CSMD1: variants seen among roughly 807,000 people sequenced by gnomAD.
CSMD1 encodes CUB and Sushi multiple domains 1.
In CSMD1, 213 loss-of-function variants were observed where a neutral mutation model predicts 417.5. The ratio of observed to expected loss-of-function variants is 0.51; its 90% CI spans 0.46 to 0.57. CSMD1 has a LOEUF of 0.57. Among genes scored for constraint, CSMD1 ranks in the 20% least tolerant of loss-of-function variants. CSMD1 has a pLI of 0.00. For synonymous variants in CSMD1, 2,862 were observed against 1,736.8 expected (o/e 1.65, Z -16.11); for missense variants, 6,923 against 4,529.7 (o/e 1.53, Z -15.17).
chr8:4,652,383 G>C (rs1563071499), intron 1 of CSMD1, among the ~76,000 whole-genome samples: 1 of 151,712 alleles, frequency 6.6e-6, no homozygotes, highest in Non-Finnish European at 1.5e-5. Flanking sequence ...CTTCCATTCT[G>C]TTTTTTTGTC....
At chr8:4,946,922 A>G (rs1021349368) in intron 1 of CSMD1, among the ~76,000 whole-genome samples, 6 of 152,230 alleles carry the variant, frequency 3.9e-5, no homozygotes, top group Admixed American at 6.5e-5. Context: ...GACAGAGCAT[A>G]TGTACATACG....
intron 5 of CSMD1, among the ~76,000 whole-genome samples, chr8:3,846,640 T>G (rs1803522978): frequency 6.6e-6 from 1 of 152,174 alleles, no homozygotes; most frequent in Non-Finnish European, 1.5e-5. Flanking sequence ...CCTTATTTCT[T>G]TAGCCTAAGG....
chr8:4,056,902 A>T (rs934138595), intron 3 of CSMD1, among the ~76,000 whole-genome samples: 1 of 152,198 alleles, frequency 6.6e-6, no homozygotes, highest in Non-Finnish European at 1.5e-5. Flanking sequence ...TCCATAGAGT[A>T]TATGTGCCAC....
chr8:4,242,535 A>C (rs1395473551), intron 3 of CSMD1, among the ~76,000 whole-genome samples: 2 of 152,242 alleles, frequency 1.3e-5, no homozygotes, highest in African/African-American at 4.8e-5. Context: ...GTTCTTAACT[A>C]GTCTTTCCCC....
intron 2 of CSMD1, among the ~76,000 whole-genome samples, chr8:4,436,287 TG>T (rs766171579): frequency 3.9e-5 from 6 of 152,182 alleles, no homozygotes; most frequent in Non-Finnish European, 5.9e-5. Context: ...TGTATTGTGG[TG>T]TTTTTTTCAT....
intron 26 of CSMD1, chr8:3,278,254 G>C (rs905989256): frequency 3.3e-5 from 5 of 152,202 alleles, no homozygotes; most frequent in Admixed American, 1.3e-4. Context: ...ACAAGATAGA[G>C]AGGTAGTGCA....
At chr8:3,459,812 T>C (rs1816385867) in intron 12 of CSMD1, among the ~76,000 whole-genome samples, 1 of 152,098 alleles carries the variant, frequency 6.6e-6, no homozygotes, top group Admixed American at 6.6e-5. Flanking sequence ...AAACAGTCTG[T>C]GTTGACTCAT....
At chr8:3,804,280 C>A (rs1027937696) in intron 5 of CSMD1, among the ~76,000 whole-genome samples, 2 of 152,032 alleles carry the variant, frequency 1.3e-5, no homozygotes, top group Non-Finnish European at 2.9e-5. Context: ...CTTGCAGGTG[C>A]AGAATACTAA....
chr8:4,292,896 T>A, intron 3 of CSMD1, among the ~76,000 whole-genome samples: 1 of 152,178 alleles, frequency 6.6e-6, no homozygotes, highest in Admixed American at 6.5e-5. Flanking sequence ...AAAGAGATAA[T>A]TTGTTAGTTC....
intron 3 of CSMD1, among the ~76,000 whole-genome samples, chr8:4,063,422 T>C (rs1799083237): frequency 6.6e-6 from 1 of 152,174 alleles, no homozygotes; most frequent in African/African-American, 2.4e-5. Flanking sequence ...TAAATTATGA[T>C]TATTAAATGA....
intron 5 of CSMD1, among the ~76,000 whole-genome samples, chr8:3,887,568 G>C (rs147202309): frequency 6.6e-6 from 1 of 152,154 alleles, no homozygotes; most frequent in Admixed American, 6.5e-5. Context: ...TAGAATTCCT[G>C]TAGAGCAAGG....
chr8:4,144,747 T>C (rs909462294), intron 3 of CSMD1, among the ~76,000 whole-genome samples: 1 of 151,070 alleles, frequency 6.6e-6, no homozygotes, highest in Non-Finnish European at 1.5e-5. Flanking sequence ...TTCTAGAGAC[T>C]TCTCAGACAT....
At chr8:4,525,038 A>T (rs1796446417) in intron 2 of CSMD1, among the ~76,000 whole-genome samples, 1 of 152,118 alleles carries the variant, frequency 6.6e-6, no homozygotes, top group African/African-American at 2.4e-5. Flanking sequence ...CAAGACATTC[A>T]ATATTTTCTG....
chr8:4,685,929 A>G (rs1025885403), intron 1 of CSMD1, among the ~76,000 whole-genome samples: 2 of 152,344 alleles, frequency 1.3e-5, no homozygotes, highest in East Asian at 1.9e-4. Flanking sequence ...AACTTACTGG[A>G]TCATCTTTAA....
chr8:4,342,465 A>G (rs2128895895), intron 3 of CSMD1, among the ~76,000 whole-genome samples: 1 of 152,164 alleles, frequency 6.6e-6, no homozygotes, highest in African/African-American at 2.4e-5. Flanking sequence ...CAGACAATAA[A>G]CTGGCAGAAA....
At chr8:4,164,220 A>G (rs1024661049) in intron 3 of CSMD1, among the ~76,000 whole-genome samples, 1 of 152,190 alleles carries the variant, frequency 6.6e-6, no homozygotes, top group African/African-American at 2.4e-5. Context: ...TGACAAAAAT[A>G]TTTGAAATAT....
intron 3 of CSMD1, among the ~76,000 whole-genome samples, chr8:4,225,555 C>T (rs1358734731): frequency 2.0e-5 from 3 of 149,248 alleles, no homozygotes; most frequent in East Asian, 3.9e-4. Context: ...TCTTCCTTAG[C>T]ATGGCTGTTA....
intron 25 of CSMD1, among the ~76,000 whole-genome samples, chr8:3,295,466 T>G (rs1803896744): frequency 6.6e-6 from 1 of 152,016 alleles, no homozygotes; most frequent in Non-Finnish European, 1.5e-5. Context: ...ACCGTTATAC[T>G]GAAAAAAAGG....
intron 4 of CSMD1, among the ~76,000 whole-genome samples, chr8:4,022,114 T>A (rs532877353): frequency 2.8e-5 from 3 of 106,134 alleles, no homozygotes; most frequent in African/African-American, 1.2e-4. Flanking sequence ...TATGAATGGA[T>A]ATAGAATATA....
Sources: allele counts gnomAD v4.1 joint callset (sites outside exome capture counted in the v4.1 genomes callset), GRCh38; gene constraint gnomAD v4.1.1; transcripts MANE v1.5; gene names NCBI Gene and HGNC (gene_info 2026-07-23, HGNC 2026-07-21).